The following GALNT16 variants were observed in gnomAD, a reference collection of about 807,000 sequenced individuals.
The protein encoded by GALNT16 is polypeptide N-acetylgalactosaminyltransferase 16, also known as UDP-GalNAc:polypeptide N-acetylgalactosaminyltransferase-like protein 1.
Under a neutral mutation model 76.1 loss-of-function variants are expected in GALNT16, and 40 were observed. The ratio of observed to expected loss-of-function variants is 0.53; its 90% CI spans 0.41 to 0.68. GALNT16 has a LOEUF of 0.68. GALNT16 is among the 30% of genes least tolerant of loss of function. The pLI, the probability that GALNT16 is intolerant of heterozygous loss-of-function variation, is 0.00. For synonymous variants in GALNT16, 276 were observed against 285.2 expected, an observed-to-expected ratio of 0.97 and a Z score of 0.32; for missense variants, 621 against 731.9, an observed-to-expected ratio of 0.85 and a Z score of 1.75.
intron 12 of GALNT16, 48 bp downstream of exon 12, chr14:69,341,812 G>GT (rs1566888119): frequency 7.6e-7 from 1 of 1,321,272 alleles, no homozygotes; most frequent in South Asian, 1.2e-5. Flanking sequence ...GTAGGGGGTG[G>GT]TTGGGGCCAG....
chr14:69,352,218 A>G lies in GALNT16; in HGVS notation c.*50A>G, dbSNP rs2045646992. The G allele has an allele frequency of 6.5e-7, 1 of 1,532,816 alleles. No individual in the cohort carries two copies. The highest frequency in any genetic ancestry group is 8.8e-7 in the Non-Finnish European group (1 of 1,133,598). The allele number at this position is 1,532,816 out of a possible 1,614,324, so 95.0% of individuals were successfully genotyped here. Reference sequence around the variant, plus strand: ...CTTTTGCATGAGACTTCGGGACCGGAAGGGGGTTAGGGTGGGGGAGTGCAA... The same window carrying G: ...CTTTTGCATGAGACTTCGGGACCGGGAGGGGGTTAGGGTGGGGGAGTGCAA... On this transcript the variant is annotated 3_prime_UTR_variant, in exon 15 of 15. Transcript: ENST00000448469.
At chr14:69,374,840 C>T in the GALNT16 span, among the ~76,000 whole-genome samples, 13 of 152,146 alleles carry the variant, frequency 8.5e-5, no homozygotes, top group African/African-American at 3.1e-4. Context: ...CATGTCATCC[C>T]ATGGTGGAAG....
intron 2 of GALNT16, among the ~76,000 whole-genome samples, chr14:69,322,923 GGGGTGTGTGTGTGTGTGT>G (rs1310185290): frequency 0.058 from 6,088 of 105,098 alleles, 424 homozygotes; most frequent in East Asian, 0.4. Context: ...GGTGGCTCAC[GGGGTGTGTGTGTGTGTGT>G]GTGTGTGTGT....
chr14:69,335,358 T>G (rs572031718), intron 9 of GALNT16, among the ~76,000 whole-genome samples: 8 of 152,318 alleles, frequency 5.3e-5, no homozygotes, highest in South Asian at 2.1e-4. Context: ...TGGGGTGCAG[T>G]GACCCCTCCA....
chr14:69,315,200 C>G (rs1467364994), intron 1 of GALNT16, among the ~76,000 whole-genome samples: 1 of 152,152 alleles, frequency 6.6e-6, no homozygotes, highest in Non-Finnish European at 1.5e-5. Context: ...GTTTCAAGGT[C>G]TAATCGAAAT....
chr14:69,260,236 C>T lies in GALNT16; in HGVS notation c.-55C>T, dbSNP rs1390032056. ...GCTGGGGCTGCGAGCGCCCCCGCCC[C>T]GGCCCCGAGAGCACGCCGGCCCAGT... On this transcript the variant is annotated 5_prime_UTR_variant, in exon 1 of 15. Coordinates refer to ENST00000448469, the MANE Select transcript of GALNT16 (RefSeq NM_001168368.2). 3 of 1,505,694 alleles carry T rather than the reference C, an allele frequency of 2.0e-6. No individual in the cohort carries two copies. Among genetic ancestry groups the T allele is most frequent in the South Asian group, 1.1e-5 (1 of 88,090 alleles). 93.3% of individuals were successfully genotyped at this position (1,505,694 alleles called of 1,614,324 possible). A position where few individuals can be genotyped will look rare whatever the true frequency, so the allele number is the denominator to read the frequency against.
intron 14 of GALNT16, chr14:69,349,475 T>C (rs2045606669): frequency 6.6e-6 from 1 of 152,462 alleles, no homozygotes; most frequent in East Asian, 1.9e-4. Flanking sequence ...TGTGCCCCTC[T>C]TCTCCCAGGA....
chr14:69,311,369 A>G (rs1466299846), intron 1 of GALNT16, among the ~76,000 whole-genome samples: 1 of 152,212 alleles, frequency 6.6e-6, no homozygotes, highest in Non-Finnish European at 1.5e-5. Flanking sequence ...TTCTGACTTA[A>G]TCACTTCCCA....
the GALNT16 span, among the ~76,000 whole-genome samples, chr14:69,364,520 CATTTAAACTG>C: frequency 6.6e-6 from 1 of 152,000 alleles, no homozygotes; most frequent in Non-Finnish European, 1.5e-5. The surrounding 1 kb of genome is among the most constrained non-coding windows in gnomAD (Gnocchi z 4.2). Context: ...CTAAGGTTTT[CATTTAAACTG>C]GCAGCAAAGA....
chr14:69,322,985 C>T (rs2877538), intron 2 of GALNT16, among the ~76,000 whole-genome samples: 4,662 of 24,356 alleles, frequency 0.19, 226 homozygotes, highest in African/African-American at 0.21. Context: ...TGTGTGTGCG[C>T]GCGCACGCGC....
rs1225208884 is a variant in GALNT16 at position 69,334,555 on chromosome 14, G to A, written c.967+955G>A. On this transcript the variant is annotated intron_variant, in intron 9 of 14. Transcript: ENST00000448469. ...TTATTTACATGGTGCGGGCAGGATA[G>A]AGGGAACCATAGGGACAGCACAGTA... 2.6e-5 allele frequency among the ~76,000 whole-genome samples: 4 copies of A among 152,214 alleles called. No homozygotes were observed. In the East Asian group the frequency reaches 7.7e-4, roughly 29 times the overall value.
At chr14:69,383,048 CTT>C in the GALNT16 span, among the ~76,000 whole-genome samples, 1 of 152,140 alleles carries the variant, frequency 6.6e-6, no homozygotes, top group African/African-American at 2.4e-5. Context: ...AGGAATACCT[CTT>C]GTCATTATAA....
chr14:69,368,620 A>G, the GALNT16 span, among the ~76,000 whole-genome samples: 3 of 152,192 alleles, frequency 2.0e-5, no homozygotes, highest in East Asian at 1.9e-4. Context: ...AGAGTCATTC[A>G]TAAGTTCAGC....
chr14:69,322,979 TGTGCGC>T (rs1393326707), intron 2 of GALNT16, among the ~76,000 whole-genome samples: 3 of 31,742 alleles, frequency 9.5e-5, no homozygotes, highest in African/African-American at 2.9e-4. Flanking sequence ...TGTGTGTGTG[TGTGCGC>T]GCGCACGCGC....
At chr14:69,342,482 G>A (rs71423355) in intron 12 of GALNT16, among the ~76,000 whole-genome samples, 5,345 of 44,462 alleles carry the variant, frequency 0.12, 504 homozygotes, top group East Asian at 0.24. Context: ...GGAAGGGAGG[G>A]AGGGAGGGAG....
At chr14:69,269,660 TTG>T (rs924094457) in intron 1 of GALNT16, among the ~76,000 whole-genome samples, 7 of 145,758 alleles carry the variant, frequency 4.8e-5, no homozygotes, top group African/African-American at 1.8e-4. Context: ...TGTGTGGGGT[TTG>T]TGTGTGTGTA....
At chr14:69,357,814 AC>A (rs1173268143), downstream of GALNT16, 9 of 152,296 alleles carry the variant, frequency 5.9e-5, no homozygotes, top group African/African-American at 2.2e-4. Context: ...TCTGACCCAG[AC>A]GGGGAGGCTT....
At chr14:69,370,151 T>C in the GALNT16 span, among the ~76,000 whole-genome samples, 1 of 152,202 alleles carries the variant, frequency 6.6e-6, no homozygotes. Context: ...CTCATTAGCA[T>C]GTGTCAGAAA....
intron 1 of GALNT16, among the ~76,000 whole-genome samples, chr14:69,262,264 T>C (rs1594804611): frequency 6.6e-6 from 1 of 152,314 alleles, no homozygotes. Context: ...GCTCAGAGCC[T>C]CTGCTTTGGA....
Sources: allele counts gnomAD v4.1 joint callset (sites outside exome capture counted in the v4.1 genomes callset), GRCh38; gene constraint gnomAD v4.1.1; non-coding constraint Gnocchi (gnomAD v3.1); transcripts MANE v1.5; gene names NCBI Gene and HGNC (gene_info 2026-07-23, HGNC 2026-07-21).